The following MED22 variants were observed in gnomAD, a reference collection of about 807,000 sequenced individuals.
MED22 encodes the protein mediator of RNA polymerase II transcription subunit 22.
A neutral mutation model predicts 22.7 loss-of-function variants in MED22; 22 were observed. That is an observed-to-expected ratio of 0.97 (90% CI 0.69 to 1.38). MED22 has a LOEUF of 1.38. Among genes scored for constraint, MED22 ranks in the 40% most tolerant of loss-of-function variants. MED22 has a pLI of 0.00. For synonymous variants in MED22, 134 were observed against 119.4 expected, an observed-to-expected ratio of 1.12 and a Z score of -0.80; for missense variants, 247 against 263.0, an observed-to-expected ratio of 0.94 and a Z score of 0.42.
intron 2 of MED22, 138 bp from the exon 3 acceptor site, chr9:133,345,390 C>G: frequency 1.3e-6 from 1 of 797,352 alleles, no homozygotes; most frequent in East Asian, 2.7e-5. Context: ...GTGCCATCTA[C>G]AGACCTAAGC....
chr9:133,343,217 G>T, intron 4 of MED22: 2 of 1,148,980 alleles, frequency 1.7e-6, no homozygotes, highest in Non-Finnish European at 2.1e-6. Context: ...TGGCCAATGG[G>T]CAGAAAGGAG....
intron 2 of MED22, among the ~76,000 whole-genome samples, chr9:133,346,111 A>C (rs2129967211): frequency 6.6e-6 from 1 of 152,346 alleles, no homozygotes; most frequent in South Asian, 2.1e-4. Context: ...AGCAGCCAGG[A>C]GGGATCCAGC....
chr9:133,343,022 G>C (rs1836058772), intron 4 of MED22: 1 of 986,584 alleles, frequency 1.0e-6, no homozygotes, highest in Non-Finnish European at 1.2e-6. Context: ...ACCCCTCTCA[G>C]CCACCCTAGT....
At chr9:133,342,431 T>G in intron 4 of MED22, 1 of 985,758 alleles carries the variant, frequency 1.0e-6, no homozygotes, top group Non-Finnish European at 1.2e-6. Flanking sequence ...GTGTTCAGTC[T>G]CAGAACCGTC....
In MED22 at chr9:133,348,071, G is replaced by T; in HGVS notation, c.-188C>A. 1.4e-5 allele frequency: 13 copies of T among 935,602 alleles called. No homozygotes were observed. Among genetic ancestry groups the T allele is most frequent in the Non-Finnish European group, 2.2e-5 (13 of 594,298 alleles). The allele number at this position is 935,602 out of a possible 1,614,324, so 58.0% of individuals were successfully genotyped here. On this transcript the variant is annotated 5_prime_UTR_variant, in exon 1 of 5. Transcript: ENST00000343730. ...TCTCTTCCCCGCCGCGCCGCGGTCC[G>T]AAAACCTAGTCAGCCGCCGCAGCCT...
chr9:133,339,119 G>A lies in MED22; in HGVS notation c.*2386C>T. 1.5e-6 allele frequency: 1 copy of A among 672,944 alleles called. No individual in the cohort carries two copies. Among genetic ancestry groups the A allele is most frequent in the South Asian group, 1.4e-5 (1 of 73,526 alleles). 41.7% of individuals were successfully genotyped at this position (672,944 alleles called of 1,614,324 possible). A position where few individuals can be genotyped will look rare whatever the true frequency, so the allele number is the denominator to read the frequency against. On this transcript the variant is annotated 3_prime_UTR_variant, in exon 5 of 5. Transcript: ENST00000343730. ...GAAAGGTGATATTGTAGATATCAAGGGAATGGGTACTGTTCAAAAAGGAAT... is the reference window on the plus strand; with the variant it reads ...GAAAGGTGATATTGTAGATATCAAGAGAATGGGTACTGTTCAAAAAGGAAT...
In MED22 at chr9:133,346,686, G is replaced by A. The variant is rs2129969736; in HGVS notation, c.-24C>T. On this transcript the variant is annotated 5_prime_UTR_variant, in exon 2 of 5. Transcript: ENST00000343730. Reference sequence around the variant, plus strand: ...ATGGCCGAGCCTCAAGCAGCGCAGCGGGGAGACCTGGGACCTAGAGTGCAG... The same window carrying A: ...ATGGCCGAGCCTCAAGCAGCGCAGCAGGGAGACCTGGGACCTAGAGTGCAG... 15 of 1,607,572 alleles carry A rather than the reference G, an allele frequency of 9.3e-6. No individual in the cohort carries two copies. Among genetic ancestry groups the A allele is most frequent in the African/African-American group, 5.3e-5 (4 of 74,888 alleles).
At chr9:133,342,358 C>G in intron 4 of MED22, 1 of 986,186 alleles carries the variant, frequency 1.0e-6, no homozygotes. Context: ...AACCTGCAGG[C>G]AGGGGCCCTG....
intron 2 of MED22, chr9:133,346,285 A>C (rs886570141): frequency 1.6e-5 from 8 of 492,772 alleles, no homozygotes; most frequent in Non-Finnish European, 2.9e-5. Context: ...ACACAGATAA[A>C]CTCACCAGTC....
At chr9:133,347,850 C>T (rs1178772472) in intron 1 of MED22, 72 bp downstream of exon 1, 2 of 146,560 alleles carry the variant, frequency 1.4e-5, no homozygotes, top group African/African-American at 5.1e-5. Context: ...AGCGCCTACG[C>T]ACCCACCCAC....
At position 133,345,174 on chromosome 9, in the gene MED22, T is replaced by A; in HGVS notation, c.202A>T (p.Ile68Phe). ...TGCCCTCCACCCTGGCCACTCACGA[T>A]GTTGGCGGCTCGCACATGCATCTCG... ...NYEMHVRAAN[I>F]VRAGESLMKL... The change falls in exon 3 of 5, where the codon ATC becomes TTC. Residue 68 changes from isoleucine (I) to phenylalanine (F), a missense_variant and splice_region_variant. Transcript: ENST00000343730. 1.9e-6 allele frequency: 3 copies of A among 1,613,800 alleles called. No individual in the cohort carries two copies. The highest frequency in any genetic ancestry group is 2.5e-6 in the Non-Finnish European group (3 of 1,179,954).
At chr9:133,346,336 A>G in intron 2 of MED22, 1 of 616,416 alleles carries the variant, frequency 1.6e-6, no homozygotes, top group African/African-American at 1.9e-5. Flanking sequence ...TGAGGCACTA[A>G]AAAGTGAAAT....
At chr9:133,343,858 C>T in intron 4 of MED22, 1 of 1,414,722 alleles carries the variant, frequency 7.1e-7, no homozygotes, top group Non-Finnish European at 9.2e-7. Context: ...CCAGGCGCCT[C>T]CCTTCTCCAG....
chr9:133,341,754 G>A (rs1836011719), intron 4 of MED22, 60 bp from the exon 5 acceptor site: 5 of 1,576,954 alleles, frequency 3.2e-6, no homozygotes, highest in Non-Finnish European at 4.3e-6. Flanking sequence ...AAAGCCAGGG[G>A]AGGGGAGAGC....
In MED22 at chr9:133,341,488, A is replaced by G; in HGVS notation, c.*17T>C. The stretch of plus-strand genomic sequence containing the variant: ...CCTCAGGTTTTGTTCCTGAGAACGA[A>G]GCGTGGCCCCGGAGGCTCAGGCGTG... On this transcript the variant is annotated 3_prime_UTR_variant, in exon 5 of 5. Coordinates refer to ENST00000343730, the MANE Select transcript of MED22 (RefSeq NM_133640.5). 6.8e-7 allele frequency: 1 copy of G among 1,477,210 alleles called. No homozygotes were observed. Among genetic ancestry groups the G allele is most frequent in the Non-Finnish European group, 8.9e-7 (1 of 1,122,114 alleles). 91.5% of individuals were successfully genotyped at this position (1,477,210 alleles called of 1,614,324 possible). A position where few individuals can be genotyped will look rare whatever the true frequency, so the allele number is the denominator to read the frequency against.
At chr9:133,345,127 G>T in intron 3 of MED22, 45 bp downstream of exon 3, 1 of 1,594,612 alleles carries the variant, frequency 6.3e-7, no homozygotes, top group Non-Finnish European at 8.6e-7. Context: ...TGAGGGGACT[G>T]ATGCTCTTGG....
At chr9:133,345,062 C>T (rs2129963457) in intron 3 of MED22, 110 bp downstream of exon 3, 22 of 1,047,488 alleles carry the variant, frequency 2.1e-5, no homozygotes, top group Non-Finnish European at 2.7e-5. Flanking sequence ...TGCTCCTTCT[C>T]GGGGGAAGAA....
chr9:133,346,723 G>A, intron 1 of MED22, 23 bp from the exon 2 acceptor site: 2 of 1,585,366 alleles, frequency 1.3e-6, no homozygotes, highest in Admixed American at 3.4e-5. Flanking sequence ...ACAGACCTCT[G>A]AGTGCAGGCA....
Position 133,341,692 on chromosome 9 carries a change from G to C in MED22, c.416C>G (p.Ser139Ter). The C allele has an allele frequency of 6.2e-7, 1 of 1,606,320 alleles. No individual in the cohort carries two copies. Among genetic ancestry groups the C allele is most frequent in the Non-Finnish European group, 8.5e-7 (1 of 1,176,610 alleles). ...ELEEEYYSSS[S>*]SLCEANDLPL... ...CAGGTCATTAGCTTCGCAAAGGCTT[G>C]AGCTTTTCCACCACCAGAAACCCCA... The change falls in exon 5 of 5, where the codon TCA (serine) becomes TGA (stop). Residue 139 changes from serine to a stop codon, truncating the protein, a stop_gained and splice_region_variant. Transcript: ENST00000343730. LOFTEE classifies it high-confidence loss of function.
Sources: gnomAD v4.1 joint callset for allele counts (sites outside exome capture counted in the v4.1 genomes callset) on GRCh38, gnomAD v4.1.1 for gene constraint, MANE v1.5 for transcripts, NCBI Gene and HGNC (gene_info 2026-07-23, HGNC 2026-07-21) for gene names.